The following NAALADL2 variants were observed in gnomAD, a reference collection of about 807,000 sequenced individuals.
The protein encoded by NAALADL2 is inactive N-acetylated-alpha-linked acidic dipeptidase-like protein 2.
In NAALADL2, 76 loss-of-function variants were observed where a neutral mutation model predicts 87.2. The ratio of observed to expected loss-of-function variants is 0.87; its 90% CI spans 0.72 to 1.05. The LOEUF is 1.05. Ranked by LOEUF, NAALADL2 falls within the 50% of genes least tolerant of loss-of-function variation. NAALADL2 has a pLI of 0.00. For missense variants in NAALADL2, 1,089 were observed against 945.8 expected (o/e 1.15, Z -1.99); for synonymous variants, 354 against 331.0 (o/e 1.07, Z -0.75).
chr3:175,331,414 C>A (rs1761384649), intron 5 of NAALADL2, among the ~76,000 whole-genome samples: 1 of 152,128 alleles, frequency 6.6e-6, no homozygotes, highest in Non-Finnish European at 1.5e-5. Flanking sequence ...CAAATACTAG[C>A]AAACCAAATT....
At chr3:174,849,917 GAT>G (rs1334233833) in intron 3 of NAALADL2, among the ~76,000 whole-genome samples, 3 of 151,856 alleles carry the variant, frequency 2.0e-5, no homozygotes, top group Non-Finnish European at 4.4e-5. Flanking sequence ...TCCTACTAAA[GAT>G]ATAAGTATTT....
chr3:175,079,699 A>G (rs73176725), intron 1 of NAALADL2, among the ~76,000 whole-genome samples: 34,036 of 152,128 alleles, frequency 0.22, 4,264 homozygotes, highest in Non-Finnish European at 0.3. Context: ...ATTTATGTGC[A>G]TATCTTCTGG....
chr3:174,632,836 G>A (rs556206653), intron 2 of NAALADL2, among the ~76,000 whole-genome samples: 2 of 149,966 alleles, frequency 1.3e-5, no homozygotes, highest in South Asian at 4.2e-4. Flanking sequence ...TCAGGGGGCT[G>A]AGGCACGAGA....
At chr3:175,037,454 C>G (rs978486047) in intron 1 of NAALADL2, among the ~76,000 whole-genome samples, 2 of 152,134 alleles carry the variant, frequency 1.3e-5, no homozygotes, top group Non-Finnish European at 2.9e-5. Flanking sequence ...GTAGCATCTC[C>G]TCACAAGCCT....
At chr3:175,716,269 AT>A (rs1741257003) in intron 11 of NAALADL2, among the ~76,000 whole-genome samples, 1 of 146,344 alleles carries the variant, frequency 6.8e-6, no homozygotes, top group Non-Finnish European at 1.5e-5. Context: ...TATATAATAT[AT>A]ATAATATATA....
At chr3:175,332,634 G>A (rs1042374188) in intron 5 of NAALADL2, among the ~76,000 whole-genome samples, 3 of 152,174 alleles carry the variant, frequency 2.0e-5, no homozygotes, top group Non-Finnish European at 2.9e-5. Context: ...TTGTTGAGAC[G>A]TGTGTTGTGC....
intron 2 of NAALADL2, among the ~76,000 whole-genome samples, chr3:175,175,639 G>C (rs1198963526): frequency 6.6e-6 from 1 of 152,052 alleles, no homozygotes; most frequent in Non-Finnish European, 1.5e-5. Flanking sequence ...TGTTTCAACA[G>C]TTAATTAAGT....
chr3:175,646,106 C>A (rs1382901197), intron 11 of NAALADL2, among the ~76,000 whole-genome samples: 1 of 151,952 alleles, frequency 6.6e-6, no homozygotes, highest in African/African-American at 2.4e-5. Context: ...AAATATAAAC[C>A]ATTTAAGTCT....
Position 175,123,354 on chromosome 3 carries a change from TG to T in NAALADL2, c.545+26065del, listed in dbSNP as rs1580571185. Reference sequence around the variant, plus strand: ...GTGGTACTAATAGATGGTAGGGCAATGGTCCCAAGTCATGATTTCTGTCATG... The same window carrying T: ...GTGGTACTAATAGATGGTAGGGCAATGTCCCAAGTCATGATTTCTGTCATG... On this transcript the variant is annotated intron_variant, in intron 2 of 13. Transcript: ENST00000454872. Among the ~76,000 whole-genome samples the T allele has an allele frequency of 7.9e-5, 12 of 152,048 alleles. No individual in the cohort carries two copies. The East Asian group carries it at 1.9e-3, about 25-fold the overall frequency.
At chr3:174,503,041 C>A (rs7648463) in intron 1 of NAALADL2, among the ~76,000 whole-genome samples, 77,958 of 142,278 alleles carry the variant, frequency 0.55, 20,598 homozygotes, top group South Asian at 0.64. Context: ...AAAAAAAAAA[C>A]CTCTTATCTT....
chr3:175,426,521 A>G (rs1023020407), intron 5 of NAALADL2, among the ~76,000 whole-genome samples: 1 of 152,184 alleles, frequency 6.6e-6, no homozygotes, highest in African/African-American at 2.4e-5. Flanking sequence ...ATACCAGACT[A>G]TAAGTGAATA....
At chr3:175,118,175 G>C (rs1348808955) in intron 2 of NAALADL2, among the ~76,000 whole-genome samples, 2 of 151,764 alleles carry the variant, frequency 1.3e-5, no homozygotes, top group African/African-American at 4.8e-5. Context: ...GAGTTAATGG[G>C]TGCAGCACAC....
chr3:174,696,264 A>T (rs1448905374), intron 2 of NAALADL2, among the ~76,000 whole-genome samples: 1 of 152,020 alleles, frequency 6.6e-6, no homozygotes, highest in Non-Finnish European at 1.5e-5. Flanking sequence ...TTATTTACTC[A>T]ATTATATGCA....
chr3:175,379,575 C>A (rs190673124), intron 5 of NAALADL2, among the ~76,000 whole-genome samples: 15 of 151,598 alleles, frequency 9.9e-5, no homozygotes, highest in Admixed American at 5.9e-4. Flanking sequence ...ACTCTGTCAC[C>A]CAGACTGGAG....
chr3:175,550,282 A>G (rs1714129289), intron 9 of NAALADL2, among the ~76,000 whole-genome samples: 1 of 152,126 alleles, frequency 6.6e-6, no homozygotes, highest in African/African-American at 2.4e-5. Context: ...CTTAATCTAA[A>G]TAAACTGGTT....
At chr3:175,430,468 G>A (rs1329773466) in intron 5 of NAALADL2, among the ~76,000 whole-genome samples, 1 of 151,852 alleles carries the variant, frequency 6.6e-6, no homozygotes, top group Non-Finnish European at 1.5e-5. Flanking sequence ...TTATTAAAGG[G>A]AATATTTCAT....
intron 2 of NAALADL2, among the ~76,000 whole-genome samples, chr3:175,164,246 A>G (rs984288152): frequency 2.6e-5 from 4 of 151,946 alleles, no homozygotes; most frequent in Non-Finnish European, 5.9e-5. Flanking sequence ...TTTATTCCCC[A>G]TTAAAAATAT....
chr3:174,692,488 A>AT (rs373122567), intron 2 of NAALADL2, among the ~76,000 whole-genome samples: 19 of 152,122 alleles, frequency 1.2e-4, no homozygotes, highest in East Asian at 7.8e-4. Flanking sequence ...AACTTTGGCT[A>AT]TTTTTTTGTA....
intron 13 of NAALADL2, among the ~76,000 whole-genome samples, chr3:175,800,867 T>A (rs1754064602): frequency 6.6e-6 from 1 of 152,084 alleles, no homozygotes; most frequent in African/African-American, 2.4e-5. Context: ...AAATAGGGAT[T>A]AGGATATCAC....
Sources: allele counts gnomAD v4.1 joint callset (sites outside exome capture counted in the v4.1 genomes callset), GRCh38; gene constraint gnomAD v4.1.1; transcripts MANE v1.5; gene names NCBI Gene and HGNC (gene_info 2026-07-23, HGNC 2026-07-21).